The following KCNIP4 variants were observed in gnomAD, a reference collection of about 807,000 sequenced individuals.
The protein encoded by KCNIP4 is Kv channel-interacting protein 4.
A neutral mutation model predicts 34.0 loss-of-function variants in KCNIP4; 12 were observed. The observed-to-expected ratio is 0.35, with a 90% CI of 0.23 to 0.57. The LOEUF is 0.57. Among genes scored for constraint, KCNIP4 ranks in the 20% least tolerant of loss-of-function variants. The pLI is 0.83. For synonymous variants in KCNIP4, 124 were observed against 102.2 expected, an observed-to-expected ratio of 1.21 and a Z score of -1.29; for missense variants, 238 against 311.7, an observed-to-expected ratio of 0.76 and a Z score of 1.78.
chr4:21,462,149 C>T (rs1450729132), intron 1 of KCNIP4, among the ~76,000 whole-genome samples: 1 of 152,098 alleles, frequency 6.6e-6, no homozygotes, highest in East Asian at 1.9e-4. Flanking sequence ...CTTATTCCTT[C>T]TAAGTAACCG....
intron 3 of KCNIP4, among the ~76,000 whole-genome samples, chr4:20,771,751 G>T (rs949998964): frequency 6.6e-6 from 1 of 151,870 alleles, no homozygotes; most frequent in Non-Finnish European, 1.5e-5. Flanking sequence ...CTCACTGCAA[G>T]CTCCACCTCC....
At chr4:20,812,923 G>C (rs1715945866) in intron 3 of KCNIP4, among the ~76,000 whole-genome samples, 1 of 134,348 alleles carries the variant, frequency 7.4e-6, no homozygotes, top group Non-Finnish European at 1.7e-5. Flanking sequence ...CCAATTTCTT[G>C]TTTGTGTGTG....
chr4:21,895,478 T>C (rs1727332326), intron 1 of KCNIP4, among the ~76,000 whole-genome samples: 1 of 152,170 alleles, frequency 6.6e-6, no homozygotes, highest in Non-Finnish European at 1.5e-5. Context: ...TACCACTTAT[T>C]AGCTGTGTAA....
chr4:21,293,835 T>C (rs1422351681), intron 1 of KCNIP4, among the ~76,000 whole-genome samples: 1 of 152,202 alleles, frequency 6.6e-6, no homozygotes, highest in Non-Finnish European at 1.5e-5. Context: ...AAGGGGTCCA[T>C]GCATTTGAAA....
At chr4:21,024,025 G>A (rs1026275438) in intron 1 of KCNIP4, among the ~76,000 whole-genome samples, 12 of 152,122 alleles carry the variant, frequency 7.9e-5, no homozygotes, top group Non-Finnish European at 1.3e-4. Flanking sequence ...GAAGGGAAAC[G>A]GCTTTGGAAA....
chr4:21,537,407 G>A (rs1432542212), intron 1 of KCNIP4, among the ~76,000 whole-genome samples: 1 of 152,012 alleles, frequency 6.6e-6, no homozygotes, highest in Non-Finnish European at 1.5e-5. Flanking sequence ...TAAAGTTCAG[G>A]CCACCACATC....
chr4:21,052,478 A>T (rs190544892), intron 1 of KCNIP4, among the ~76,000 whole-genome samples: 1 of 152,314 alleles, frequency 6.6e-6, no homozygotes, highest in African/African-American at 2.4e-5. Flanking sequence ...CTTACAGACC[A>T]TTGGGGATAT....
intron 1 of KCNIP4, among the ~76,000 whole-genome samples, chr4:21,540,662 G>A (rs1054310724): frequency 1.3e-5 from 2 of 152,066 alleles, no homozygotes; most frequent in Non-Finnish European, 1.5e-5. Flanking sequence ...AACTCCTGTA[G>A]AAAGAAAAAC....
At chr4:20,927,987 T>C (rs1243545312) in intron 1 of KCNIP4, among the ~76,000 whole-genome samples, 1 of 151,986 alleles carries the variant, frequency 6.6e-6, no homozygotes, top group Non-Finnish European at 1.5e-5. Context: ...ATTTATTCAA[T>C]TCGAGCAGGG....
intron 2 of KCNIP4, among the ~76,000 whole-genome samples, chr4:20,864,049 T>C (rs756614846): frequency 3.5e-4 from 45 of 128,406 alleles, no homozygotes; most frequent in Admixed American, 2.9e-3. Flanking sequence ...TATACGCATG[T>C]ATGTATACAC....
At chr4:21,057,428 T>C (rs1743509547) in intron 1 of KCNIP4, among the ~76,000 whole-genome samples, 1 of 152,182 alleles carries the variant, frequency 6.6e-6, no homozygotes, top group African/African-American at 2.4e-5. Flanking sequence ...TTTGTTAGCC[T>C]AAAATGTAGC....
chr4:21,774,080 T>C (rs144323216), intron 1 of KCNIP4, among the ~76,000 whole-genome samples: 48 of 152,172 alleles, frequency 3.2e-4, no homozygotes, highest in Middle Eastern at 6.8e-3. Flanking sequence ...GTACTGGTTT[T>C]TCCTTTTCAT....
At chr4:20,848,992 T>C (rs944023639) in intron 3 of KCNIP4, among the ~76,000 whole-genome samples, 3 of 152,190 alleles carry the variant, frequency 2.0e-5, no homozygotes, top group African/African-American at 7.2e-5. Context: ...CTGCTGCCAG[T>C]GGTCAATACC....
At chr4:20,841,209 A>G (rs1033774940) in intron 3 of KCNIP4, among the ~76,000 whole-genome samples, 7 of 152,176 alleles carry the variant, frequency 4.6e-5, no homozygotes, top group African/African-American at 1.7e-4. Flanking sequence ...AGAAGATAAA[A>G]ATTTTATTGG....
At position 21,065,752 on chromosome 4, in the gene KCNIP4, AT is replaced by A. The variant is rs1427531627; in HGVS notation, c.62-183044del. 1.4e-4 allele frequency among the ~76,000 whole-genome samples: 20 copies of A among 143,872 alleles called. No homozygotes were observed. The East Asian group carries it at 1.4e-3, about 10-fold the overall frequency. 94.4% of individuals were successfully genotyped at this position (143,872 alleles called of 152,430 possible). ...TATATATATATATATATATATATAT[AT>A]ATATATATATATAACTCAATTTTAT... On this transcript the variant is annotated intron_variant, in intron 1 of 8. Transcript: ENST00000382152.
intron 1 of KCNIP4, among the ~76,000 whole-genome samples, chr4:21,885,471 T>A (rs1051465678): frequency 1.3e-5 from 2 of 152,138 alleles, no homozygotes; most frequent in African/African-American, 4.8e-5. Context: ...TCTTTCTTTG[T>A]CTTGTAGCCT....
At chr4:21,831,014 T>G (rs1259971609) in intron 1 of KCNIP4, among the ~76,000 whole-genome samples, 3 of 152,042 alleles carry the variant, frequency 2.0e-5, no homozygotes, top group African/African-American at 7.2e-5. Context: ...TCCTGGAAAA[T>G]TCACAAGTAT....
intron 1 of KCNIP4, among the ~76,000 whole-genome samples, chr4:21,469,835 A>G (rs1434476296): frequency 6.6e-6 from 1 of 152,152 alleles, no homozygotes; most frequent in Non-Finnish European, 1.5e-5. Flanking sequence ...GCAGGTGTTG[A>G]TGGTATTTTT....
At chr4:21,545,406 T>C (rs1738059411) in intron 1 of KCNIP4, among the ~76,000 whole-genome samples, 1 of 152,192 alleles carries the variant, frequency 6.6e-6, no homozygotes. Flanking sequence ...ATTATTACAC[T>C]TTAAGTTCTG....
Sources: allele counts gnomAD v4.1 joint callset (sites outside exome capture counted in the v4.1 genomes callset), GRCh38; gene constraint gnomAD v4.1.1; transcripts MANE v1.5; gene names NCBI Gene and HGNC (gene_info 2026-07-23, HGNC 2026-07-21).